Variants in ITPKB observed in about 807,000 individuals in gnomAD.
ITPKB encodes the protein inositol-trisphosphate 3-kinase B, also known as IP3 3-kinase B.
Under a neutral mutation model 69.4 loss-of-function variants are expected in ITPKB, and 13 were observed. The observed-to-expected ratio is 0.19, with a 90% CI of 0.12 to 0.30. The LOEUF (loss-of-function observed/expected upper bound fraction) is 0.30. ITPKB is among the 10% of genes least tolerant of loss of function. The pLI, the probability that ITPKB is intolerant of heterozygous loss-of-function variation, is 1.00. For synonymous variants in ITPKB, 584 were observed against 513.7 expected (o/e 1.14, Z -1.85); for missense variants, 1,240 against 1,250.5 (o/e 0.99, Z 0.13).
At chr1:226,715,009 C>T (rs1657062252) in intron 2 of ITPKB, among the ~76,000 whole-genome samples, 1 of 152,230 alleles carries the variant, frequency 6.6e-6, no homozygotes, top group Non-Finnish European at 1.5e-5. Context: ...TGAAAAGTAT[C>T]TGTCCCTAAA....
intron 2 of ITPKB, among the ~76,000 whole-genome samples, chr1:226,681,817 A>ACC (rs1656099748): frequency 6.6e-6 from 1 of 152,076 alleles, no homozygotes; most frequent in Non-Finnish European, 1.5e-5. Context: ...TCCAGATGAT[A>ACC]CCCCTGCCTC....
chr1:226,653,239 C>A (rs1405763440), intron 2 of ITPKB, among the ~76,000 whole-genome samples: 1 of 152,192 alleles, frequency 6.6e-6, no homozygotes. Flanking sequence ...AGGTACCATG[C>A]ACATGGGGAG....
intron 2 of ITPKB, among the ~76,000 whole-genome samples, chr1:226,700,421 A>G (rs1414725415): frequency 2.8e-5 from 4 of 142,736 alleles, no homozygotes; most frequent in African/African-American, 1.1e-4. Context: ...GTGAGCCCAG[A>G]TCACGCCACG....
chr1:226,639,409 A>T (rs935478862), intron 6 of ITPKB, 148 bp downstream of exon 6: 23 of 621,362 alleles, frequency 3.7e-5, no homozygotes, highest in Middle Eastern at 4.0e-4. Context: ...AGTCTCTGCC[A>T]GTGGCCTCTC....
chr1:226,719,206 G>A (rs538844026), intron 2 of ITPKB, among the ~76,000 whole-genome samples: 1 of 152,362 alleles, frequency 6.6e-6, no homozygotes, highest in East Asian at 1.9e-4. Flanking sequence ...TTGAACCCAG[G>A]AGGCAGAGGT....
At chr1:226,645,424 G>A (rs1175541867) in intron 4 of ITPKB, among the ~76,000 whole-genome samples, 1 of 151,736 alleles carries the variant, frequency 6.6e-6, no homozygotes, top group Non-Finnish European at 1.5e-5. Context: ...GCAGCCCTGG[G>A]GCAGGAAGCG....
intron 2 of ITPKB, among the ~76,000 whole-genome samples, chr1:226,661,447 A>T (rs12407508): frequency 0.22 from 34,131 of 152,138 alleles, 3,993 homozygotes; most frequent in Middle Eastern, 0.34. Flanking sequence ...GGTTCTGTAC[A>T]TGTGTAGTCA....
intron 2 of ITPKB, among the ~76,000 whole-genome samples, chr1:226,713,107 C>T (rs1657012446): frequency 6.6e-6 from 1 of 152,168 alleles, no homozygotes; most frequent in South Asian, 2.1e-4. Flanking sequence ...AATATACACA[C>T]ATATACACAC....
At chr1:226,686,359 A>T (rs1656216479) in intron 2 of ITPKB, among the ~76,000 whole-genome samples, 1 of 152,252 alleles carries the variant, frequency 6.6e-6, no homozygotes, top group Non-Finnish European at 1.5e-5. Context: ...AGTTTCAAAA[A>T]GAAGTGGAAA....
chr1:226,653,770 T>G (rs1669237777), intron 2 of ITPKB, among the ~76,000 whole-genome samples: 1 of 152,180 alleles, frequency 6.6e-6, no homozygotes, highest in Non-Finnish European at 1.5e-5. Flanking sequence ...TTAAACCAAC[T>G]GAAGACCAGG....
At chr1:226,722,328 T>C (rs564424571) in intron 2 of ITPKB, among the ~76,000 whole-genome samples, 1 of 152,144 alleles carries the variant, frequency 6.6e-6, no homozygotes, top group South Asian at 2.1e-4. Flanking sequence ...TTGAGGCCAA[T>C]GGTGACTGAC....
Position 226,736,778 on chromosome 1 carries a change from G to A in ITPKB, c.681C>T (p.Ser227=), listed in dbSNP as rs1558102902. 3 of 1,613,106 alleles carry A rather than the reference G, an allele frequency of 1.9e-6. No individual in the cohort carries two copies. Among genetic ancestry groups the A allele is most frequent in the Non-Finnish European group, 2.5e-6 (3 of 1,180,030 alleles). Residue 227 remains serine, a synonymous_variant, in exon 2 of 8, where the codon TCC becomes TCT. Transcript: ENST00000429204. ...GTGGCATTCCTTTCTTCACCTGCGAGGAGCATAGGCTGGGCCCTCCTTTCC... is the reference window on the plus strand; with the variant it reads ...GTGGCATTCCTTTCTTCACCTGCGAAGAGCATAGGCTGGGCCCTCCTTTCC... ...SGRKGGPSLC[S]SQVKKGMPPL...
chr1:226,634,578 T>A lies in ITPKB; in HGVS notation c.*93A>T. ...TTGTAGTGCAGTTCAGGAGGGTCAG[T>A]CAGGTGTAAGTGAAGGAAAAGTTAG... On this transcript the variant is annotated 3_prime_UTR_variant, in exon 8 of 8. Transcript: ENST00000429204. The surrounding 1 kb of genome is among the most constrained non-coding windows in gnomAD (Gnocchi z 6.3). The A allele has an allele frequency of 1.5e-6, 1 of 663,034 alleles. No homozygotes were observed. Among genetic ancestry groups the A allele is most frequent in the East Asian group, 2.7e-5 (1 of 37,246 alleles). 41.1% of individuals were successfully genotyped at this position (663,034 alleles called of 1,614,324 possible). A position where few individuals can be genotyped will look rare whatever the true frequency, so the allele number is the denominator to read the frequency against.
In ITPKB at chr1:226,732,910, C is replaced by T. The variant is rs1657634647; in HGVS notation, c.1932+2617G>A. Among the ~76,000 whole-genome samples, 3 of 152,152 alleles carry T rather than the reference C, an allele frequency of 2.0e-5. No homozygotes were observed. The South Asian group carries it at 6.2e-4, about 32-fold the overall frequency. ...CCCTACTAAGCAGATATACTGTCAC[C>T]CCCTGCCTGCACACCAAGTCATACA... On this transcript the variant is annotated intron_variant, in intron 2 of 7. Transcript: ENST00000429204.
intron 2 of ITPKB, among the ~76,000 whole-genome samples, chr1:226,661,245 A>AGAGAGGTAAG (rs1246061550): frequency 3.0e-4 from 45 of 152,314 alleles, no homozygotes; most frequent in Admixed American, 7.8e-4. Context: ...GCAGGAGCGC[A>AGAGAGGTAAG]GCCCATAGCA....
intron 2 of ITPKB, among the ~76,000 whole-genome samples, chr1:226,690,416 A>G (rs1301080792): frequency 6.6e-6 from 1 of 152,208 alleles, no homozygotes; most frequent in Non-Finnish European, 1.5e-5. Context: ...AGAAATTCTG[A>G]GACTGGTCCT....
intron 4 of ITPKB, among the ~76,000 whole-genome samples, chr1:226,644,575 G>A (rs540437833): frequency 1.2e-4 from 18 of 152,350 alleles, no homozygotes; most frequent in African/African-American, 4.3e-4. Context: ...GCATGCCCCA[G>A]AGCCACTGAG....
chr1:226,639,508 TC>T (rs771747744), intron 6 of ITPKB, 48 bp downstream of exon 6: 1 of 1,235,214 alleles, frequency 8.1e-7, no homozygotes, highest in African/African-American at 1.5e-5. Context: ...GACACAGTTG[TC>T]CCTCCCTGGC....
chr1:226,662,308 G>C (rs768260578), intron 2 of ITPKB, among the ~76,000 whole-genome samples: 2 of 152,318 alleles, frequency 1.3e-5, no homozygotes, highest in Non-Finnish European at 2.9e-5. Flanking sequence ...TCTGCAGAAA[G>C]TTCAAGAATC....
Sources: gnomAD v4.1 joint callset for allele counts (sites outside exome capture counted in the v4.1 genomes callset) on GRCh38, gnomAD v4.1.1 for gene constraint, Gnocchi (gnomAD v3.1) non-coding constraint, MANE v1.5 for transcripts, NCBI Gene and HGNC (gene_info 2026-07-23, HGNC 2026-07-21) for gene names.